The following EYS variants were observed in gnomAD, a reference collection of about 807,000 sequenced individuals.
EYS encodes EGF-like photoreceptor maintenance factor, also known as protein eyes shut homolog.
Under a neutral mutation model 282.1 loss-of-function variants are expected in EYS, and 250 were observed. The observed-to-expected ratio is 0.89, with a 90% confidence interval of 0.80 to 0.98. EYS has a LOEUF of 0.98. Among genes scored for constraint, EYS ranks in the 50% least tolerant of loss-of-function variants. The pLI is 0.00. For missense variants in EYS, 4,016 were observed against 3,709.0 expected (o/e 1.08, Z -2.15); for synonymous variants, 1,355 against 1,282.9 (o/e 1.06, Z -1.20).
At chr6:65,198,276 A>C (rs1038072768) in intron 12 of EYS, among the ~76,000 whole-genome samples, 3 of 152,096 alleles carry the variant, frequency 2.0e-5, no homozygotes. Context: ...CCTTGATAGC[A>C]AGGCTGCCTT....
At chr6:64,809,880 G>T (rs75068280) in intron 22 of EYS, among the ~76,000 whole-genome samples, 3,620 of 152,110 alleles carry the variant, frequency 0.024, 150 homozygotes, top group African/African-American at 0.083. Context: ...CTTACAGCCT[G>T]GGTGATGGGA....
At chr6:65,021,335 G>C (rs940019791) in intron 13 of EYS, among the ~76,000 whole-genome samples, 1 of 152,084 alleles carries the variant, frequency 6.6e-6, no homozygotes, top group East Asian at 1.9e-4. Flanking sequence ...TCAAGGACAG[G>C]GGCAAAATAC....
At chr6:65,102,626 T>G (rs1049162295) in intron 12 of EYS, among the ~76,000 whole-genome samples, 2 of 151,264 alleles carry the variant, frequency 1.3e-5, no homozygotes, top group South Asian at 2.1e-4. Flanking sequence ...TTTAAATTTT[T>G]GGGGAAAGTT....
intron 12 of EYS, among the ~76,000 whole-genome samples, chr6:65,148,106 C>A (rs1764522857): frequency 6.6e-6 from 1 of 152,010 alleles, no homozygotes; most frequent in African/African-American, 2.4e-5. Context: ...CAGCCCATCC[C>A]AAATCTCATG....
intron 13 of EYS, among the ~76,000 whole-genome samples, chr6:65,027,537 T>A (rs1772458588): frequency 6.6e-6 from 1 of 152,232 alleles, no homozygotes; most frequent in Non-Finnish European, 1.5e-5. Context: ...ATTCTAAACA[T>A]TCTCTTCAAT....
At chr6:64,555,831 G>C (rs1041207964) in intron 26 of EYS, among the ~76,000 whole-genome samples, 1 of 151,758 alleles carries the variant, frequency 6.6e-6, no homozygotes, top group Non-Finnish European at 1.5e-5. Context: ...CATTTCTTCT[G>C]AAAGTGAAAT....
chr6:63,915,797 G>C (rs541293039), intron 35 of EYS, among the ~76,000 whole-genome samples: 2 of 152,300 alleles, frequency 1.3e-5, no homozygotes, highest in South Asian at 4.1e-4. Context: ...GAAAAAGCAA[G>C]AGAACTAGAA....
intron 12 of EYS, among the ~76,000 whole-genome samples, chr6:65,173,750 T>C (rs1202122541): frequency 6.6e-6 from 1 of 151,232 alleles, no homozygotes; most frequent in Non-Finnish European, 1.5e-5. Context: ...TATGAATATA[T>C]AGATGTAATT....
chr6:64,019,562 C>T (rs1367716061), intron 33 of EYS, among the ~76,000 whole-genome samples: 1 of 151,856 alleles, frequency 6.6e-6, no homozygotes, highest in Non-Finnish European at 1.5e-5. Context: ...AGGCACAGGC[C>T]ACCACGCCCA....
At chr6:64,699,377 G>C (rs1770704177) in intron 22 of EYS, among the ~76,000 whole-genome samples, 1 of 151,954 alleles carries the variant, frequency 6.6e-6, no homozygotes, top group Non-Finnish European at 1.5e-5. Context: ...ATTGGGTACT[G>C]GGCTGAATAC....
intron 12 of EYS, among the ~76,000 whole-genome samples, chr6:65,070,689 G>A (rs192369527): frequency 4.3e-4 from 65 of 151,282 alleles, no homozygotes; most frequent in African/African-American, 1.5e-3. Flanking sequence ...TTTCTATGGG[G>A]GCAAATCTGG....
chr6:64,822,100 C>T (rs13198898), intron 20 of EYS, among the ~76,000 whole-genome samples: 9,205 of 152,094 alleles, frequency 0.061, 371 homozygotes, highest in African/African-American at 0.11. Flanking sequence ...AGAAAACTAA[C>T]GTGGAAGCAA....
intron 22 of EYS, among the ~76,000 whole-genome samples, chr6:64,643,792 C>G (rs1301047733): frequency 5.9e-5 from 9 of 152,220 alleles, no homozygotes; most frequent in Non-Finnish European, 5.9e-5. Flanking sequence ...CTGCTGCCAT[C>G]CACGTAAGAC....
intron 22 of EYS, among the ~76,000 whole-genome samples, chr6:64,635,642 A>T (rs985124842): frequency 6.6e-6 from 1 of 152,172 alleles, no homozygotes; most frequent in South Asian, 2.1e-4. Flanking sequence ...ATTTGCGTAT[A>T]TTGAACCAGC....
At chr6:64,234,971 G>A (rs942320902) in intron 30 of EYS, among the ~76,000 whole-genome samples, 7 of 151,870 alleles carry the variant, frequency 4.6e-5, no homozygotes, top group Admixed American at 1.3e-4. Flanking sequence ...CCCGCCTCCC[G>A]GGTTCAAGCG....
chr6:64,159,417 AG>A (rs1775032080), intron 31 of EYS, among the ~76,000 whole-genome samples: 2 of 151,790 alleles, frequency 1.3e-5, no homozygotes, highest in Admixed American at 1.3e-4. Context: ...AAAATTAGCC[AG>A]GTGTGGTGGC....
chr6:65,662,075 C>A (rs1469083529), intron 1 of EYS, among the ~76,000 whole-genome samples: 2 of 151,852 alleles, frequency 1.3e-5, no homozygotes, highest in Non-Finnish European at 2.9e-5. Context: ...TCTGGTCACA[C>A]CATATTTCTA....
intron 22 of EYS, among the ~76,000 whole-genome samples, chr6:64,644,898 A>G (rs190046871): frequency 5.3e-5 from 8 of 152,324 alleles, no homozygotes; most frequent in Admixed American, 1.3e-4. Context: ...AAATTTCTAT[A>G]TGAGCCTACA....
At chr6:65,120,151 C>CAAAAAAAAAAAAAAAAAAA (rs1170415166) in intron 12 of EYS, among the ~76,000 whole-genome samples, 1 of 62,584 alleles carries the variant, frequency 1.6e-5, no homozygotes, top group African/African-American at 6.0e-5. Context: ...GACTCCGTCT[C>CAAAAAAAAAAAAAAAAAAA]AAAAAAAAAA....
Sources: allele counts gnomAD v4.1 joint callset (sites outside exome capture counted in the v4.1 genomes callset), GRCh38; gene constraint gnomAD v4.1.1; transcripts MANE v1.5; gene names NCBI Gene and HGNC (gene_info 2026-07-23, HGNC 2026-07-21).